Variants in ZMYND8 observed in about 807,000 individuals in gnomAD.
ZMYND8 encodes the protein MYND-type zinc finger-containing chromatin reader ZMYND8.
ZMYND8 carries 37 observed loss-of-function variants against 140.8 expected under a neutral mutation model. That is an observed-to-expected ratio of 0.26 (90% CI 0.20 to 0.35). The LOEUF (loss-of-function observed/expected upper bound fraction) is 0.35, where lower values mean the gene tolerates loss of function less well. Ranked by LOEUF, ZMYND8 falls within the 10% of genes least tolerant of loss-of-function variation. The pLI is 1.00. For missense variants in ZMYND8, 1,068 were observed against 1,570.0 expected, an observed-to-expected ratio of 0.68 and a Z score of 5.40; for synonymous variants, 592 against 597.1, an observed-to-expected ratio of 0.99 and a Z score of 0.12.
chr20:47,229,716 C>T lies in ZMYND8; in HGVS notation c.2937+10G>A, dbSNP rs751661843. The stretch of plus-strand genomic sequence containing the variant: ...CTTAGCAAATAAGAAATTCATGTGT[C>T]ATCTCTGACCTCAGCTATTGTGCTT... On this transcript the variant is annotated intron_variant, in intron 17 of 22. Coordinates refer to ENST00000471951, the MANE Select transcript of ZMYND8 (RefSeq NM_001281775.3). 17 of 1,611,100 alleles carry T rather than the reference C, an allele frequency of 1.1e-5. No individual in the cohort carries two copies. In the African/African-American group the frequency reaches 2.1e-4, roughly 20 times the overall value.
At chr20:47,341,730 G>A (rs1038208381) in intron 2 of ZMYND8, among the ~76,000 whole-genome samples, 10 of 152,014 alleles carry the variant, frequency 6.6e-5, no homozygotes, top group African/African-American at 2.2e-4. Flanking sequence ...TTGGCCGGGC[G>A]CGGTGGCTCG....
chr20:47,220,487 G>A (rs755911867), intron 20 of ZMYND8, among the ~76,000 whole-genome samples, 163 bp from the exon 21 acceptor site: 1 of 152,200 alleles, frequency 6.6e-6, no homozygotes, highest in African/African-American at 2.4e-5. Flanking sequence ...AGGGCGGCCA[G>A]GTGGCCAAAC....
intron 2 of ZMYND8, among the ~76,000 whole-genome samples, chr20:47,343,435 T>A (rs2082073264): frequency 6.6e-6 from 1 of 152,046 alleles, no homozygotes; most frequent in Non-Finnish European, 1.5e-5. Flanking sequence ...AAAGTAACCA[T>A]CCCAGAGTCC....
At chr20:47,285,695 CCTT>C in intron 8 of ZMYND8, 1 of 985,246 alleles carries the variant, frequency 1.0e-6, no homozygotes. Context: ...ATATTCATCA[CCTT>C]GTTACTTAAG....
rs372084926 is a variant in ZMYND8 at position 47,246,303 on chromosome 20, C to T, written c.1989G>A (p.Glu663=). The T allele has an allele frequency of 3.1e-6, 5 of 1,614,050 alleles. No individual in the cohort carries two copies. The East Asian group carries it at 8.9e-5, about 29-fold the overall frequency. ...KKKPKPTNPV[E]IKEELKSTSP... ...ACGTGCTTTTCAGCTCCTCTTTAATCTCCACTGGGTTTGTAGGCTTGGGCT... is the reference window on the plus strand; with the variant it reads ...ACGTGCTTTTCAGCTCCTCTTTAATTTCCACTGGGTTTGTAGGCTTGGGCT... The change falls in exon 14 of 23, where the codon GAG becomes GAA. Residue 663 remains glutamate, a synonymous_variant. Coordinates refer to ENST00000471951, the MANE Select transcript of ZMYND8 (RefSeq NM_001281775.3).
intron 3 of ZMYND8, among the ~76,000 whole-genome samples, chr20:47,308,102 A>G (rs2148185117): frequency 6.8e-6 from 1 of 146,704 alleles, no homozygotes; most frequent in East Asian, 2.1e-4. Flanking sequence ...TGGGTGACAG[A>G]GTCAGACTCT....
At chr20:47,345,469 C>T (rs905966253) in intron 2 of ZMYND8, among the ~76,000 whole-genome samples, 12 of 150,406 alleles carry the variant, frequency 8.0e-5, no homozygotes, top group Non-Finnish European at 8.8e-5. Flanking sequence ...GGAAAATCAT[C>T]AGAAGGAGTT....
At chr20:47,354,404 T>C (rs1206177859) in intron 1 of ZMYND8, 1 of 152,220 alleles carries the variant, frequency 6.6e-6, no homozygotes, top group Non-Finnish European at 1.5e-5. Context: ...AACCTCGATA[T>C]GTAATTTCCA....
rs73910830 is a variant in ZMYND8 at position 47,293,642 on chromosome 20, T to G, written c.567+1024A>C. On this transcript the variant is annotated intron_variant, in intron 5 of 22. Transcript: ENST00000471951. ...TGCTCAGCTTCCTCATTGAAATGGA[T>G]TTTCCTAACTCCCATGGGAAGGAGC... Among the ~76,000 whole-genome samples the G allele has an allele frequency of 2.4e-3, 359 of 152,322 alleles. 1 individual carries two copies. Among genetic ancestry groups the G allele is most frequent in the Middle Eastern group, 0.01 (3 of 294 alleles).
In ZMYND8 at chr20:47,303,262, G is replaced by A. The variant is rs557071089; in HGVS notation, c.235-4315C>T. On this transcript the variant is annotated intron_variant, in intron 3 of 22. Transcript: ENST00000471951. ...ATAAGCTATACATACCAAGCAAGCA[G>A]AACTATTTCCCTTCTTTTTCTTTTT... Among the ~76,000 whole-genome samples the A allele has an allele frequency of 7.9e-5, 12 of 152,274 alleles. No homozygotes were observed. The South Asian group carries it at 8.3e-4, about 11-fold the overall frequency.
At chr20:47,248,192 T>G (rs1019208032) in intron 13 of ZMYND8, among the ~76,000 whole-genome samples, 1 of 152,184 alleles carries the variant, frequency 6.6e-6, no homozygotes, top group African/African-American at 2.4e-5. Context: ...GATAAAAGTA[T>G]CAACCTCCCA....
At chr20:47,323,629 T>C (rs1185799228) in intron 2 of ZMYND8, among the ~76,000 whole-genome samples, 1 of 152,098 alleles carries the variant, frequency 6.6e-6, no homozygotes, top group Non-Finnish European at 1.5e-5. Flanking sequence ...CCCCTCAGGC[T>C]GTCAGGAGCT....
chr20:47,279,042 C>T (rs922837278), intron 10 of ZMYND8, among the ~76,000 whole-genome samples: 2 of 152,058 alleles, frequency 1.3e-5, no homozygotes. Context: ...ATCATAACCT[C>T]GCCCCCCTGA....
chr20:47,274,692 C>T (rs910630889), intron 11 of ZMYND8, among the ~76,000 whole-genome samples: 2 of 152,172 alleles, frequency 1.3e-5, no homozygotes, highest in Non-Finnish European at 2.9e-5. Flanking sequence ...TAGGACCACA[C>T]AGCTATGAAT....
Position 47,212,651 on chromosome 20 carries a change from C to A in ZMYND8, c.3559G>T (p.Ala1187Ser), listed in dbSNP as rs572504561. ...TDHQPHPNYP[A>S]QKYHSRSNKS... Reference sequence around the variant, plus strand: ...ACAGGTTCATACTTACACTTCTGGGCGGGGTAGTTGGGGTGCGGCTGGTGG... The same window carrying A: ...ACAGGTTCATACTTACACTTCTGGGAGGGGTAGTTGGGGTGCGGCTGGTGG... Residue 1187 changes from alanine (A) to serine (S), a missense_variant, in exon 22 of 23, where the codon GCC becomes TCC. Ala to Ser is a moderately conservative substitution (Grantham distance 99). Around this residue, in one of 10 missense-constraint regions of ZMYND8, gnomAD observed 180 missense variants for 187.8 expected, o/e 0.96. Coordinates refer to ENST00000471951, the MANE Select transcript of ZMYND8 (RefSeq NM_001281775.3). The A allele has an allele frequency of 1.4e-5, 23 of 1,613,670 alleles. No individual in the cohort carries two copies. Among genetic ancestry groups the A allele is most frequent in the Non-Finnish European group, 1.9e-5 (23 of 1,179,842 alleles).
chr20:47,299,086 T>G (rs779279508), intron 3 of ZMYND8, 139 bp from the exon 4 acceptor site: 1 of 764,488 alleles, frequency 1.3e-6, no homozygotes, highest in Non-Finnish European at 2.1e-6. Flanking sequence ...CTATCTTAGG[T>G]TACTCTACTA....
At chr20:47,221,801 G>A (rs776597095) in intron 19 of ZMYND8, among the ~76,000 whole-genome samples, 40 of 152,216 alleles carry the variant, frequency 2.6e-4, no homozygotes, top group Admixed American at 8.5e-4. Context: ...CAAGTAGCTG[G>A]GACTCAGGTG....
At chr20:47,303,639 T>C (rs1351043260) in intron 3 of ZMYND8, among the ~76,000 whole-genome samples, 1 of 151,570 alleles carries the variant, frequency 6.6e-6, no homozygotes, top group Non-Finnish European at 1.5e-5. Context: ...GAGGTTGCGG[T>C]GAGCCAAGAT....
At chr20:47,241,033 C>T (rs1287997090) in intron 14 of ZMYND8, among the ~76,000 whole-genome samples, 6 of 151,822 alleles carry the variant, frequency 4.0e-5, no homozygotes, top group Non-Finnish European at 7.4e-5. Flanking sequence ...CAGTGGCTCA[C>T]GCCTGTAATC....
Sources: allele counts gnomAD v4.1 joint callset (sites outside exome capture counted in the v4.1 genomes callset), GRCh38; gene constraint gnomAD v4.1.1; regional missense constraint gnomAD v4.1.1; transcripts MANE v1.5; gene names NCBI Gene and HGNC (gene_info 2026-07-23, HGNC 2026-07-21).